USP37: variants seen among roughly 807,000 people sequenced by gnomAD.
The protein encoded by USP37 is ubiquitin carboxyl-terminal hydrolase 37.
A neutral mutation model predicts 124.0 loss-of-function variants in USP37; 27 were observed. That is an observed-to-expected ratio of 0.22 (90% CI 0.16 to 0.30). The LOEUF is 0.30. USP37 is among the 10% of genes least tolerant of loss of function. The pLI is 1.00. For synonymous variants in USP37, 365 were observed against 388.0 expected (o/e 0.94, Z 0.70); for missense variants, 889 against 1,140.4 (o/e 0.78, Z 3.17).
intron 15 of USP37, among the ~76,000 whole-genome samples, chr2:218,487,856 T>C (rs984079901): frequency 1.3e-4 from 19 of 151,976 alleles, no homozygotes; most frequent in Non-Finnish European, 2.2e-4. Flanking sequence ...TTACAAAAAC[T>C]TCTCATCTGT....
rs1179980788 is a variant in USP37, at chr2:218,553,740, G to A, written c.157-16C>T. On this transcript the variant is annotated splice_polypyrimidine_tract_variant and intron_variant, in intron 4 of 25. Transcript: ENST00000258399. ...TATGACTTAGCTAATCAAGACAAAA[G>A]GAAAATTATCATCAAAAATGTATGA... The A allele has an allele frequency of 6.3e-7, 1 of 1,586,566 alleles. No individual in the cohort carries two copies. Among genetic ancestry groups the A allele is most frequent in the Non-Finnish European group, 8.6e-7 (1 of 1,164,644 alleles).
intron 10 of USP37, among the ~76,000 whole-genome samples, chr2:218,514,914 T>G (rs766701865): frequency 2.6e-5 from 4 of 152,202 alleles, no homozygotes; most frequent in Non-Finnish European, 5.9e-5. Flanking sequence ...TAATCCAATA[T>G]TATCATTTCG....
At chr2:218,533,237 CTT>C (rs779179101) in intron 9 of USP37, among the ~76,000 whole-genome samples, 3 of 150,200 alleles carry the variant, frequency 2.0e-5, no homozygotes, top group African/African-American at 7.3e-5. Context: ...TTTAAAAAAA[CTT>C]TTTTTTTTCT....
chr2:218,454,665 T>C lies in USP37; in HGVS notation c.*265A>G, dbSNP rs1378692780. 2 of 471,206 alleles carry C rather than the reference T, an allele frequency of 4.2e-6. No individual in the cohort carries two copies. Among genetic ancestry groups the C allele is most frequent in the Non-Finnish European group, 3.7e-6 (1 of 271,138 alleles). The allele number at this position is 471,206 out of a possible 1,614,324, so 29.2% of individuals were successfully genotyped here. On this transcript the variant is annotated 3_prime_UTR_variant, in exon 26 of 26. Coordinates refer to ENST00000258399, the MANE Select transcript of USP37 (RefSeq NM_020935.3). ...GTGTATACACACATACACAGATATA[T>C]ATTTACAACATGTATTCCTAAGACA...
intron 11 of USP37, among the ~76,000 whole-genome samples, chr2:218,499,293 CA>C (rs35377276): frequency 2.0e-5 from 3 of 150,840 alleles, no homozygotes; most frequent in East Asian, 1.9e-4. Flanking sequence ...CAAAAAACAA[CA>C]AAAAAAAACC....
rs866403881 is a variant in USP37, at chr2:218,544,436, G to C, written c.680+1785C>G. On this transcript the variant is annotated intron_variant, in intron 8 of 25. Transcript: ENST00000258399. Reference sequence around the variant, plus strand: ...ATATATATATATATATATATAGAGAGAGAGAGAGAGAGAGAGAGAGAGAGA... The same window carrying C: ...ATATATATATATATATATATAGAGACAGAGAGAGAGAGAGAGAGAGAGAGA... Among the ~76,000 whole-genome samples, 65 of 122,916 alleles carry C rather than the reference G, an allele frequency of 5.3e-4. 1 individual carries two copies. The highest frequency in any genetic ancestry group is 4.9e-3 in the Admixed American group (61 of 12,448). The allele number at this position is 122,916 out of a possible 152,430, so 80.6% of individuals were successfully genotyped here.
chr2:218,507,705 A>G (rs1053823354), intron 11 of USP37, among the ~76,000 whole-genome samples: 2 of 152,156 alleles, frequency 1.3e-5, no homozygotes, highest in Admixed American at 6.6e-5. Flanking sequence ...AGGGAGGGGA[A>G]AAAGAGAGGT....
chr2:218,520,507 G>A lies in USP37; in HGVS notation c.863+9449C>T, dbSNP rs367674772. Reference sequence around the variant, plus strand: ...TGGGATTGCAGGCATACGCCACCACGCCCAGCTAATTTTTTTGTATTATTA... The same window carrying A: ...TGGGATTGCAGGCATACGCCACCACACCCAGCTAATTTTTTTGTATTATTA... On this transcript the variant is annotated intron_variant, in intron 10 of 25. Coordinates refer to ENST00000258399, the MANE Select transcript of USP37 (RefSeq NM_020935.3). Among the ~76,000 whole-genome samples, 67 of 151,780 alleles carry A rather than the reference G, an allele frequency of 4.4e-4. 1 individual carries two copies. The South Asian group carries it at 0.012, about 27-fold the overall frequency.
intron 10 of USP37, among the ~76,000 whole-genome samples, chr2:218,526,785 C>T (rs376225406): frequency 1.6e-4 from 12 of 75,918 alleles, no homozygotes; most frequent in South Asian, 1.3e-3. Flanking sequence ...ATTTCATTTG[C>T]TTTTTTTTTT....
At chr2:218,472,036 G>GA (rs59108521) in intron 20 of USP37, among the ~76,000 whole-genome samples, 133 of 138,298 alleles carry the variant, frequency 9.6e-4, no homozygotes, top group Non-Finnish European at 1.3e-3. Context: ...TCCGCCCCAG[G>GA]AAAAAAAAAA....
chr2:218,488,468 GA>G (rs749947612), intron 14 of USP37, 47 bp from the exon 15 acceptor site: 1 of 1,277,880 alleles, frequency 7.8e-7, no homozygotes, highest in East Asian at 2.3e-5. Flanking sequence ...CAATACACAA[GA>G]AACACAAATA....
At chr2:218,507,631 C>T (rs756714535) in intron 11 of USP37, among the ~76,000 whole-genome samples, 11 of 151,996 alleles carry the variant, frequency 7.2e-5, no homozygotes, top group Non-Finnish European at 1.6e-4. Context: ...GTGAATAGGG[C>T]TTAATTGAAG....
intron 11 of USP37, among the ~76,000 whole-genome samples, chr2:218,499,738 T>A (rs916546601): frequency 1.3e-5 from 2 of 152,190 alleles, no homozygotes; most frequent in Non-Finnish European, 2.9e-5. Context: ...TTCTCTTACA[T>A]GACACTGACA....
At chr2:218,556,675 G>C (rs1437365206) in intron 4 of USP37, among the ~76,000 whole-genome samples, 1 of 151,756 alleles carries the variant, frequency 6.6e-6, no homozygotes, top group East Asian at 1.9e-4. Flanking sequence ...TACCGTGCCT[G>C]CTAATTTTTG....
intron 6 of USP37, among the ~76,000 whole-genome samples, chr2:218,549,583 G>T (rs1692552726): frequency 6.6e-6 from 1 of 151,542 alleles, no homozygotes; most frequent in South Asian, 2.1e-4. Context: ...TCCTGCCTCG[G>T]CCTCCTGAGT....
intron 11 of USP37, among the ~76,000 whole-genome samples, chr2:218,498,566 A>T (rs1012186522): frequency 6.6e-6 from 1 of 152,110 alleles, no homozygotes; most frequent in Non-Finnish European, 1.5e-5. Flanking sequence ...TGTCTCTACT[A>T]AAAACACAAA....
intron 11 of USP37, chr2:218,500,942 G>T: frequency 6.0e-6 from 1 of 166,346 alleles, no homozygotes. Context: ...AGTGGTGAGG[G>T]AGGAAGGGGA....
intron 10 of USP37, among the ~76,000 whole-genome samples, chr2:218,515,131 T>TGA (rs1690202960): frequency 1.3e-5 from 2 of 152,130 alleles, no homozygotes; most frequent in South Asian, 2.1e-4. Flanking sequence ...AATAATGGTA[T>TGA]TTAAAAATCA....
At chr2:218,496,998 G>A (rs565479612) in intron 13 of USP37, among the ~76,000 whole-genome samples, 2 of 151,818 alleles carry the variant, frequency 1.3e-5, no homozygotes, top group South Asian at 2.1e-4. Context: ...CACAAATCTC[G>A]TTTTAAAATA....
Sources: gnomAD v4.1 joint callset for allele counts (sites outside exome capture counted in the v4.1 genomes callset) on GRCh38, gnomAD v4.1.1 for gene constraint, MANE v1.5 for transcripts, NCBI Gene and HGNC (gene_info 2026-07-23, HGNC 2026-07-21) for gene names.